Variants in DLG2 observed in about 807,000 individuals in gnomAD.
The protein encoded by DLG2 is discs large MAGUK scaffold protein 2.
In DLG2, 45 loss-of-function variants were observed where a neutral mutation model predicts 132.5. The observed-to-expected ratio is 0.34, with a 90% confidence interval of 0.27 to 0.44. DLG2 has a LOEUF of 0.44. DLG2 is among the 20% of genes least tolerant of loss of function. The pLI is 1.00. For missense variants in DLG2, 1,045 were observed against 1,196.9 expected (o/e 0.87, Z 1.87); for synonymous variants, 424 against 419.6 (o/e 1.01, Z -0.13).
intron 18 of DLG2, among the ~76,000 whole-genome samples, chr11:83,653,772 G>C (rs920447517): frequency 6.6e-6 from 1 of 151,892 alleles, no homozygotes; most frequent in Non-Finnish European, 1.5e-5. Context: ...GCCAAGGCTG[G>C]AGTGCCGTGG....
chr11:84,348,626 G>A (rs1163904075), intron 7 of DLG2, among the ~76,000 whole-genome samples: 2 of 152,154 alleles, frequency 1.3e-5, no homozygotes, highest in Non-Finnish European at 2.9e-5. Context: ...GTTGAATTAA[G>A]TACCCCAAAA....
chr11:85,125,844 CAAGAAAAAGGA>C, intron 5 of DLG2, among the ~76,000 whole-genome samples: 1 of 135,770 alleles, frequency 7.4e-6, no homozygotes, highest in Non-Finnish European at 1.6e-5. Context: ...CACACACACA[CAAGAAAAAGGA>C]ACACAGTTCC....
chr11:85,052,377 T>TAAAACTC (rs1257132840), intron 6 of DLG2, among the ~76,000 whole-genome samples: 1 of 152,192 alleles, frequency 6.6e-6, no homozygotes, highest in African/African-American at 2.4e-5. Context: ...GTTTAAAACT[T>TAAAACTC]AAAACTCATA....
chr11:83,655,744 C>A (rs947315770), intron 18 of DLG2, among the ~76,000 whole-genome samples: 23 of 152,184 alleles, frequency 1.5e-4, no homozygotes, highest in African/African-American at 5.5e-4. Flanking sequence ...CACCCATATA[C>A]CCTGGCCTAC....
At chr11:84,879,808 A>T (rs1468972336) in intron 6 of DLG2, among the ~76,000 whole-genome samples, 4 of 152,150 alleles carry the variant, frequency 2.6e-5, no homozygotes, top group Non-Finnish European at 5.9e-5. Context: ...TATGAGGTTC[A>T]AAATACATTT....
At chr11:85,095,996 C>A (rs2069668547) in intron 6 of DLG2, among the ~76,000 whole-genome samples, 1 of 152,134 alleles carries the variant, frequency 6.6e-6, no homozygotes, top group African/African-American at 2.4e-5. Context: ...GTAAATGCAC[C>A]AATCAGCACT....
chr11:84,101,322 G>A (rs1482826944), intron 9 of DLG2, among the ~76,000 whole-genome samples: 1 of 152,130 alleles, frequency 6.6e-6, no homozygotes, highest in African/African-American at 2.4e-5. Flanking sequence ...TTGGAACAAA[G>A]AAAGCAAGAA....
chr11:85,360,516 T>A (rs1367398343), intron 3 of DLG2, among the ~76,000 whole-genome samples: 2 of 152,198 alleles, frequency 1.3e-5, no homozygotes, highest in Admixed American at 6.5e-5. Context: ...ATCCTCCTCA[T>A]AGCTGTAAGT....
intron 8 of DLG2, among the ~76,000 whole-genome samples, chr11:84,243,462 T>G (rs181352154): frequency 2.0e-5 from 3 of 152,318 alleles, no homozygotes; most frequent in Admixed American, 6.5e-5. Flanking sequence ...AAATGGTAGC[T>G]ATCTCAACTG....
chr11:85,563,793 T>C (rs1031801468), intron 3 of DLG2, among the ~76,000 whole-genome samples: 3 of 152,116 alleles, frequency 2.0e-5, no homozygotes, highest in Non-Finnish European at 4.4e-5. Context: ...TATACAATGC[T>C]TTGTGTGATC....
intron 3 of DLG2, among the ~76,000 whole-genome samples, chr11:85,399,284 CACAA>C (rs1476113035): frequency 6.6e-6 from 1 of 152,066 alleles, no homozygotes; most frequent in African/African-American, 2.4e-5. Context: ...TAAAAGAGGA[CACAA>C]ACAAACGAAA....
chr11:83,987,015 G>A (rs1386674284), intron 11 of DLG2, among the ~76,000 whole-genome samples: 1 of 152,080 alleles, frequency 6.6e-6, no homozygotes. Flanking sequence ...TAGGTTGCCT[G>A]TTCACTCTGA....
intron 8 of DLG2, among the ~76,000 whole-genome samples, chr11:84,243,186 G>T (rs1041065915): frequency 1.6e-4 from 24 of 152,090 alleles, no homozygotes; most frequent in Non-Finnish European, 1.6e-4. Flanking sequence ...TTCCATATCT[G>T]CATTGTTTAA....
chr11:84,034,282 T>C (rs1170878665), intron 11 of DLG2, among the ~76,000 whole-genome samples: 1 of 152,112 alleles, frequency 6.6e-6, no homozygotes, highest in Non-Finnish European at 1.5e-5. Flanking sequence ...TTTTTAGTTA[T>C]AAAGTATTTT....
chr11:83,569,899 C>A (rs114796528), intron 19 of DLG2, among the ~76,000 whole-genome samples: 1 of 152,170 alleles, frequency 6.6e-6, no homozygotes, highest in Admixed American at 6.6e-5. Flanking sequence ...CTGGGACATC[C>A]GTTTAAACAG....
chr11:84,621,341 TG>T (rs2099613558), intron 6 of DLG2, among the ~76,000 whole-genome samples: 1 of 152,066 alleles, frequency 6.6e-6, no homozygotes, highest in African/African-American at 2.4e-5. Context: ...GTCTGGAAGC[TG>T]GGGGTTAATT....
chr11:84,241,569 G>C (rs889357216), intron 8 of DLG2, among the ~76,000 whole-genome samples: 13 of 151,900 alleles, frequency 8.6e-5, no homozygotes, highest in African/African-American at 3.1e-4. Flanking sequence ...AGGAAACAAT[G>C]TGTTTAAAGG....
At chr11:84,452,412 G>C (rs1291641902) in intron 7 of DLG2, among the ~76,000 whole-genome samples, 1 of 151,690 alleles carries the variant, frequency 6.6e-6, no homozygotes, top group African/African-American at 2.4e-5. Context: ...GCAATACCAT[G>C]ATATGACTAA....
chr11:83,806,828 A>G (rs989286783), intron 17 of DLG2, among the ~76,000 whole-genome samples: 20 of 152,170 alleles, frequency 1.3e-4, no homozygotes, highest in Non-Finnish European at 2.4e-4. Context: ...TTCATGGCCA[A>G]TTTCAGTGTC....
Sources: allele counts gnomAD v4.1 joint callset (sites outside exome capture counted in the v4.1 genomes callset), GRCh38; gene constraint gnomAD v4.1.1; transcripts MANE v1.5; gene names NCBI Gene and HGNC (gene_info 2026-07-23, HGNC 2026-07-21).